REPS2: variants seen among roughly 807,000 people sequenced by gnomAD.
The protein encoded by REPS2 is RALBP1 associated Eps domain containing 2.
A neutral mutation model predicts 53.6 loss-of-function variants in REPS2; 23 were observed. The observed-to-expected ratio is 0.43, with a 90% CI of 0.31 to 0.61. REPS2 has a LOEUF of 0.61. Ranked by LOEUF, REPS2 falls within the 20% of genes least tolerant of loss-of-function variation. The probability of loss-of-function intolerance (pLI) is 0.11; values close to 1 mark genes in which losing one functional copy is unlikely to be tolerated. For synonymous variants in REPS2, 238 were observed against 218.6 expected (o/e 1.09, Z -0.78); for missense variants, 446 against 534.9 (o/e 0.83, Z 1.64).
chrX:16,966,449 TG>T (rs2060770550), intron 1 of REPS2, among the ~76,000 whole-genome samples: 1 of 112,414 alleles, frequency 8.9e-6, no homozygotes, highest in Admixed American at 9.4e-5. Flanking sequence ...TGAGATCTCT[TG>T]GGGATGGGAC....
At chrX:17,054,358 T>C (rs1189135404) in intron 7 of REPS2, among the ~76,000 whole-genome samples, 2 of 112,715 alleles carry the variant, frequency 1.8e-5, no homozygotes, top group South Asian at 7.2e-4. Flanking sequence ...ACAAAGAGCT[T>C]ATTTCTGTGC....
At chrX:17,156,163 CTGAG>C (rs981226227), downstream of REPS2, among the ~76,000 whole-genome samples, 2 of 111,508 alleles carry the variant, frequency 1.8e-5, no homozygotes, top group African/African-American at 6.5e-5. Flanking sequence ...TTTCCAGACT[CTGAG>C]TGGTGTTTAC....
At chrX:17,155,645 G>A (rs748212304), downstream of REPS2, among the ~76,000 whole-genome samples, 4 of 112,070 alleles carry the variant, frequency 3.6e-5, no homozygotes, top group South Asian at 1.1e-3. Flanking sequence ...GGAATGATTT[G>A]TGTTCTCCCA....
chrX:16,962,457 GAA>G (rs2060677233), intron 1 of REPS2, among the ~76,000 whole-genome samples: 1 of 111,088 alleles, frequency 9.0e-6, no homozygotes, highest in South Asian at 3.8e-4. Flanking sequence ...TCTGGAACCT[GAA>G]AAAAAGAGTC....
chrX:17,155,075 AATTT>A (rs897456429), downstream of REPS2, among the ~76,000 whole-genome samples: 1 of 112,477 alleles, frequency 8.9e-6, no homozygotes, highest in Non-Finnish European at 1.9e-5. Flanking sequence ...ATGGTGTCTT[AATTT>A]GTTTTCTGTT....
At chrX:17,175,714 T>G in the REPS2 span, among the ~76,000 whole-genome samples, 1 of 112,564 alleles carries the variant, frequency 8.9e-6, no homozygotes, top group East Asian at 2.8e-4. Context: ...CCTAACACAA[T>G]AGACATTTAT....
chrX:17,167,415 C>T, the REPS2 span, among the ~76,000 whole-genome samples: 1 of 110,867 alleles, frequency 9.0e-6, no homozygotes, highest in Admixed American at 9.7e-5. Flanking sequence ...TTCAGATAGA[C>T]TTCTGTTACA....
At chrX:17,166,152 G>A in the REPS2 span, among the ~76,000 whole-genome samples, 1 of 111,410 alleles carries the variant, frequency 9.0e-6, no homozygotes, top group South Asian at 3.8e-4. Context: ...TAACAATAGC[G>A]GGGTTGGAAG....
chrX:16,951,549 ACACACACACACC>A (rs1167980204), intron 1 of REPS2, among the ~76,000 whole-genome samples: 1,415 of 32,617 alleles, frequency 0.043, 38 homozygotes, highest in Non-Finnish European at 0.08. Context: ...ACACACACAC[ACACACACACACC>A]CCCGCTACCT....
chrX:16,970,061 C>G (rs1346554133), intron 1 of REPS2, among the ~76,000 whole-genome samples: 1 of 112,199 alleles, frequency 8.9e-6, no homozygotes, highest in Non-Finnish European at 1.9e-5. Context: ...TTTAATAAAT[C>G]TTGCATATGG....
the REPS2 span, among the ~76,000 whole-genome samples, chrX:17,193,411 G>C: frequency 6.3e-5 from 7 of 111,655 alleles, no homozygotes; most frequent in African/African-American, 2.3e-4. Flanking sequence ...TGGAATGGGA[G>C]TGGCAATGGC....
intron 1 of REPS2, among the ~76,000 whole-genome samples, chrX:16,953,100 AACACACACACACAC>A (rs68090119): frequency 0.39 from 37,570 of 96,918 alleles, 5,742 homozygotes; most frequent in Middle Eastern, 0.54. Context: ...CCAAAAAACA[AACACACACACACAC>A]ACACACACAC....
At chrX:17,102,194 G>A (rs748985208) in intron 13 of REPS2, among the ~76,000 whole-genome samples, 3 of 110,600 alleles carry the variant, frequency 2.7e-5, no homozygotes, top group Admixed American at 9.7e-5. Context: ...TGATCCTTCC[G>A]TCTCAGCCTC....
intron 1 of REPS2, among the ~76,000 whole-genome samples, chrX:16,988,608 C>T (rs1325153728): frequency 1.0e-5 from 1 of 100,417 alleles, no homozygotes; most frequent in Non-Finnish European, 2.0e-5. Flanking sequence ...GATGGGGAAA[C>T]ATACCATGTT....
At chrX:17,104,106 C>A (rs1213997855) in intron 14 of REPS2, among the ~76,000 whole-genome samples, 1 of 111,645 alleles carries the variant, frequency 9.0e-6, no homozygotes, top group African/African-American at 3.3e-5. Context: ...CATGGTTTTT[C>A]TGTATAGTAT....
At chrX:17,145,875 C>T (rs2063506130) in intron 17 of REPS2, among the ~76,000 whole-genome samples, 1 of 111,523 alleles carries the variant, frequency 9.0e-6, no homozygotes, top group African/African-American at 3.3e-5. Context: ...TTTGGGAGGC[C>T]GAGGTGGGCA....
chrX:17,145,104 C>T (rs1296473710), intron 17 of REPS2, among the ~76,000 whole-genome samples: 1 of 112,019 alleles, frequency 8.9e-6, no homozygotes, highest in East Asian at 2.8e-4. Context: ...TGCCACTCAG[C>T]TTTCAAATTT....
chrX:17,108,267 C>T (rs764064197), intron 14 of REPS2, among the ~76,000 whole-genome samples: 1 of 109,165 alleles, frequency 9.2e-6, no homozygotes, highest in African/African-American at 3.3e-5. Context: ...TCCACCTCCC[C>T]GGTTCAAGCG....
the REPS2 span, among the ~76,000 whole-genome samples, chrX:17,174,939 G>C: frequency 5.3e-5 from 6 of 113,215 alleles, no homozygotes; most frequent in African/African-American, 1.9e-4. Context: ...CGCCACTGGA[G>C]CTGGGTAGCA....
Sources: allele counts gnomAD v4.1 joint callset (sites outside exome capture counted in the v4.1 genomes callset), GRCh38; gene constraint gnomAD v4.1.1; transcripts MANE v1.5; gene names NCBI Gene and HGNC (gene_info 2026-07-23, HGNC 2026-07-21).